The following SULF2 variants were observed in gnomAD, a reference collection of about 807,000 sequenced individuals.
SULF2 encodes extracellular sulfatase Sulf-2.
A neutral mutation model predicts 107.7 loss-of-function variants in SULF2; 52 were observed. The observed-to-expected ratio is 0.48, with a 90% CI of 0.39 to 0.61. The LOEUF (loss-of-function observed/expected upper bound fraction) is 0.61, where lower values mean the gene tolerates loss of function less well. Ranked by LOEUF, SULF2 falls within the 20% of genes least tolerant of loss-of-function variation. The pLI is 0.00. For synonymous variants in SULF2, 460 were observed against 464.3 expected, an observed-to-expected ratio of 0.99 and a Z score of 0.12; for missense variants, 993 against 1,177.3, an observed-to-expected ratio of 0.84 and a Z score of 2.29.
chr20:47,767,949 C>T (rs943453228), intron 1 of SULF2, among the ~76,000 whole-genome samples: 17 of 152,258 alleles, frequency 1.1e-4, no homozygotes, highest in East Asian at 9.6e-4. Context: ...TTTCTCCCCA[C>T]CCTTGGTCCA....
intron 5 of SULF2, among the ~76,000 whole-genome samples, chr20:47,688,910 C>T (rs2088104419): frequency 6.6e-6 from 1 of 152,190 alleles, no homozygotes; most frequent in Non-Finnish European, 1.5e-5. Flanking sequence ...CAGGCAGATT[C>T]CAAACCACCC....
chr20:47,725,716 C>G (rs568117861), intron 3 of SULF2, among the ~76,000 whole-genome samples: 5 of 152,158 alleles, frequency 3.3e-5, no homozygotes, highest in Admixed American at 6.5e-5. Flanking sequence ...CTGGGCACCC[C>G]CTCCCCACCC....
intron 3 of SULF2, among the ~76,000 whole-genome samples, chr20:47,708,933 A>C (rs1448432552): frequency 3.3e-5 from 5 of 152,146 alleles, no homozygotes; most frequent in Non-Finnish European, 1.5e-5. Context: ...TTAAAAACCC[A>C]AAAAGGGTGT....
At chr20:47,736,119 T>A (rs117096032) in intron 3 of SULF2, among the ~76,000 whole-genome samples, 5,149 of 152,170 alleles carry the variant, frequency 0.034, 98 homozygotes, top group Middle Eastern at 0.048. Context: ...GCCTGGCAGG[T>A]GAGCCTTCAG....
At chr20:47,679,613 C>T (rs986966353) in intron 7 of SULF2, among the ~76,000 whole-genome samples, 1 of 152,210 alleles carries the variant, frequency 6.6e-6, no homozygotes, top group East Asian at 1.9e-4. Context: ...AAGTCCTCTG[C>T]TTGCACTTGA....
chr20:47,740,467 G>C (rs1185482393), intron 2 of SULF2, among the ~76,000 whole-genome samples: 3 of 152,178 alleles, frequency 2.0e-5, no homozygotes, highest in African/African-American at 7.2e-5. Context: ...GGCACACCAG[G>C]GGTGGGGGTG....
intron 6 of SULF2, 176 bp downstream of exon 6, chr20:47,684,255 G>A (rs2087922405): frequency 1.7e-6 from 1 of 573,734 alleles, no homozygotes; most frequent in African/African-American, 1.9e-5. Flanking sequence ...CATGAAGGAA[G>A]AGGCTTTTGT....
chr20:47,785,029 C>G (rs944657661), intron 1 of SULF2, among the ~76,000 whole-genome samples: 7 of 152,066 alleles, frequency 4.6e-5, no homozygotes, highest in African/African-American at 1.7e-4. Context: ...GCTCCCCTAC[C>G]CGGGGCCGCC....
chr20:47,756,104 T>C (rs1336144749), intron 2 of SULF2, among the ~76,000 whole-genome samples: 1 of 152,194 alleles, frequency 6.6e-6, no homozygotes, highest in African/African-American at 2.4e-5. Flanking sequence ...ATTCTAAGCA[T>C]GACTATAGCC....
At position 47,736,915 on chromosome 20, in the gene SULF2, C is replaced by G; in HGVS notation, c.203G>C (p.Arg68Pro). The stretch of plus-strand genomic sequence containing the variant: ...CGCCCCGCCCTGCTCCATGATGCGC[C>G]GGGTCTTGTTCATCACCTGCATGGA... ...LGSMQVMNKT[R>P]RIMEQGGAHF... is the part of the protein sequence containing the mutation. Residue 68 changes from arginine to proline, a missense_variant, in exon 3 of 21, where the codon CGG (arginine) becomes CCG (proline). Around this residue, in one of 3 missense-constraint regions of SULF2, gnomAD observed 388 missense variants for 449.2 expected, o/e 0.86. Coordinates refer to ENST00000688720, the MANE Select transcript of SULF2 (RefSeq NM_001387048.1). 1.2e-6 allele frequency: 2 copies of G among 1,614,208 alleles called. No individual in the cohort carries two copies. The highest frequency in any genetic ancestry group is 1.7e-6 in the Non-Finnish European group (2 of 1,180,018).
intron 3 of SULF2, among the ~76,000 whole-genome samples, chr20:47,716,830 T>C (rs933889211): frequency 3.3e-5 from 5 of 151,992 alleles, no homozygotes; most frequent in African/African-American, 1.2e-4. Flanking sequence ...ACCTCATCTC[T>C]ACAAAAACTA....
intron 3 of SULF2, among the ~76,000 whole-genome samples, chr20:47,724,098 G>A (rs1939535767): frequency 6.6e-6 from 1 of 152,352 alleles, no homozygotes; most frequent in East Asian, 1.9e-4. Flanking sequence ...TGTGGACAGA[G>A]AGGTGAGCAC....
intron 6 of SULF2, 135 bp from the exon 7 acceptor site, chr20:47,683,304 G>T: frequency 3.4e-6 from 3 of 876,332 alleles, no homozygotes; most frequent in Non-Finnish European, 5.0e-6. Flanking sequence ...TTTCCCAGGG[G>T]CTGTCCCCTT....
intron 2 of SULF2, among the ~76,000 whole-genome samples, chr20:47,753,470 C>T (rs1301903304): frequency 2.0e-5 from 3 of 152,240 alleles, no homozygotes; most frequent in Non-Finnish European, 4.4e-5. Flanking sequence ...TGCCCGTCAC[C>T]CTCATTACAG....
intron 1 of SULF2, among the ~76,000 whole-genome samples, chr20:47,776,905 C>T (rs77164891): frequency 2.6e-5 from 4 of 152,234 alleles, no homozygotes; most frequent in Admixed American, 6.5e-5. Flanking sequence ...TGAGCAGTCA[C>T]CTTCGAGCAA....
chr20:47,765,056 AGAG>A (rs1290501367), intron 1 of SULF2, among the ~76,000 whole-genome samples: 2 of 152,034 alleles, frequency 1.3e-5, no homozygotes, highest in African/African-American at 2.4e-5. Flanking sequence ...AAATCCAACA[AGAG>A]GAGGAGAGAG....
In SULF2 at chr20:47,665,971, T is replaced by C; in HGVS notation, c.1806-18A>G. 6.2e-7 allele frequency: 1 copy of C among 1,612,394 alleles called. No homozygotes were observed. Among genetic ancestry groups the C allele is most frequent in the Non-Finnish European group, 8.5e-7 (1 of 1,178,486 alleles). The stretch of plus-strand genomic sequence containing the variant: ...TGTAGCACCTGCTTGAGAGAAGGGA[T>C]CACGTGTGGCTCGGAGGTGGTGGAG... On this transcript the variant is annotated intron_variant, in intron 12 of 20. Coordinates refer to ENST00000688720, the MANE Select transcript of SULF2 (RefSeq NM_001387048.1).
intron 1 of SULF2, among the ~76,000 whole-genome samples, chr20:47,779,467 G>C (rs989278406): frequency 1.3e-5 from 2 of 151,996 alleles, no homozygotes; most frequent in African/African-American, 4.8e-5. Context: ...AGCCACTCTC[G>C]GGCCCTCTCT....
At chr20:47,663,302 C>T (rs1215847988) in intron 16 of SULF2, 90 bp from the exon 17 acceptor site, 28 of 1,589,752 alleles carry the variant, frequency 1.8e-5, no homozygotes, top group Non-Finnish European at 2.3e-5. Flanking sequence ...GCCCCTAAAA[C>T]CAGTTCGTCA....
Sources: gnomAD v4.1 joint callset for allele counts (sites outside exome capture counted in the v4.1 genomes callset) on GRCh38, gnomAD v4.1.1 for gene constraint, gnomAD v4.1.1 regional missense constraint, MANE v1.5 for transcripts, NCBI Gene and HGNC (gene_info 2026-07-23, HGNC 2026-07-21) for gene names.